Variants in AGPAT4 observed in about 807,000 individuals in gnomAD.
AGPAT4 encodes the protein 1-acyl-sn-glycerol-3-phosphate acyltransferase delta.
Under a neutral mutation model 48.0 loss-of-function variants are expected in AGPAT4, and 15 were observed. The ratio of observed to expected loss-of-function variants is 0.31; its 90% CI spans 0.21 to 0.48. The LOEUF (loss-of-function observed/expected upper bound fraction) is 0.48. AGPAT4 is among the 20% of genes least tolerant of loss of function. The pLI, the probability that AGPAT4 is intolerant of heterozygous loss-of-function variation, is 0.99. For missense variants in AGPAT4, 314 were observed against 482.5 expected, an observed-to-expected ratio of 0.65 and a Z score of 3.27; for synonymous variants, 178 against 198.7, an observed-to-expected ratio of 0.90 and a Z score of 0.88.
rs928323399 is a variant in AGPAT4, at chr6:161,261,831, C to T, written c.-90+12107G>A. 1.6e-4 allele frequency among the ~76,000 whole-genome samples: 25 copies of T among 152,300 alleles called. No homozygotes were observed. Among genetic ancestry groups the T allele is most frequent in the African/African-American group, 5.8e-4 (24 of 41,564 alleles). ...TTTTCCTAGCACAGAGCTGTGAATG[C>T]TGCATATCCAAAGAGGCTGGAGAGT... is the stretch of plus-strand genomic sequence containing the variant. On this transcript the variant is annotated intron_variant, in intron 1 of 8. Coordinates refer to ENST00000320285, the MANE Select transcript of AGPAT4 (RefSeq NM_020133.3). This position sits in a 1 kb window ranked among gnomAD's most constrained non-coding sequence, Gnocchi z 5.3.
rs1328159727 is a variant in AGPAT4, at chr6:161,165,615, C to T, written c.348+633G>A. ...ATGACTCTGATTCAGCTATGTGACA[C>T]AGGCTCAACCGCTACACGCTGCAGT... is the stretch of plus-strand genomic sequence containing the variant. On this transcript the variant is annotated intron_variant, in intron 3 of 8. Transcript: ENST00000320285. The surrounding 1 kb of genome is among the most constrained non-coding windows in gnomAD (Gnocchi z 5.5). 5 of 1,301,258 alleles carry T rather than the reference C, an allele frequency of 3.8e-6. No homozygotes were observed. Among genetic ancestry groups the T allele is most frequent in the East Asian group, 1.1e-4 (2 of 18,030 alleles). 80.6% of individuals were successfully genotyped at this position (1,301,258 alleles called of 1,614,324 possible). A position where few individuals can be genotyped will look rare whatever the true frequency, so the allele number is the denominator to read the frequency against.
At position 161,140,648 on chromosome 6, in the gene AGPAT4, G is replaced by A. The variant is rs1489537748; in HGVS notation, c.844-1028C>T. On this transcript the variant is annotated intron_variant, in intron 7 of 8. Coordinates refer to ENST00000320285, the MANE Select transcript of AGPAT4 (RefSeq NM_020133.3). The surrounding 1 kb of genome is among the most constrained non-coding windows in gnomAD (Gnocchi z 6.5). ...AGCAGGCGTGCTCAAGCGGCTGGGA[G>A]CTGAGCTGAGCCAGGACCTGGGGGG... Among the ~76,000 whole-genome samples, 1 of 152,236 alleles carries A rather than the reference G, an allele frequency of 6.6e-6. No individual in the cohort carries two copies. Among genetic ancestry groups the A allele is most frequent in the Non-Finnish European group, 1.5e-5 (1 of 68,032 alleles).
chr6:161,258,403 T>C (rs1206176807), intron 1 of AGPAT4, among the ~76,000 whole-genome samples: 1 of 152,234 alleles, frequency 6.6e-6, no homozygotes, highest in Non-Finnish European at 1.5e-5. Context: ...ACTTTTGTTT[T>C]GTACAAAGTT....
In AGPAT4 at chr6:161,261,909, G is replaced by C. The variant is rs1783114890; in HGVS notation, c.-90+12029C>G. 6.6e-6 allele frequency among the ~76,000 whole-genome samples: 1 copy of C among 152,214 alleles called. No individual in the cohort carries two copies. The highest frequency in any genetic ancestry group is 1.5e-5 in the Non-Finnish European group (1 of 68,046). On this transcript the variant is annotated intron_variant, in intron 1 of 8. Coordinates refer to ENST00000320285, the MANE Select transcript of AGPAT4 (RefSeq NM_020133.3). The surrounding 1 kb of genome is among the most constrained non-coding windows in gnomAD (Gnocchi z 5.3). ...TAGGGGCTCCTGGGCCAGAGACCCA[G>C]TTTGCCTGTATGAGCTGTGCAGCCC...
rs1438013901 is a variant in AGPAT4, at chr6:161,134,822, A to G, written c.*1718T>C. 2 of 152,252 alleles carry G rather than the reference A, an allele frequency of 1.3e-5. No individual in the cohort carries two copies. Among genetic ancestry groups the G allele is most frequent in the African/African-American group, 2.4e-5 (1 of 41,448 alleles). 9.4% of individuals were successfully genotyped at this position (152,252 alleles called of 1,614,324 possible). ...TGGGCTTTTGCCCACAGATCTCTGC[A>G]CACGGTGCTTCATGCCCTGTGCAGG... On this transcript the variant is annotated 3_prime_UTR_variant, in exon 9 of 9. Coordinates refer to ENST00000320285, the MANE Select transcript of AGPAT4 (RefSeq NM_020133.3).
intron 3 of AGPAT4, among the ~76,000 whole-genome samples, chr6:161,162,253 C>A (rs114901093): frequency 0.013 from 1,910 of 152,358 alleles, 30 homozygotes; most frequent in Middle Eastern, 0.065. Context: ...TCCTGGCACC[C>A]ACGCCCCTGC....
At position 161,196,530 on chromosome 6, in the gene AGPAT4, C is replaced by T. The variant is rs550334921; in HGVS notation, c.179-30113G>A. On this transcript the variant is annotated intron_variant, in intron 2 of 8. Coordinates refer to ENST00000320285, the MANE Select transcript of AGPAT4 (RefSeq NM_020133.3). The surrounding 1 kb of genome is among the most constrained non-coding windows in gnomAD (Gnocchi z 4.3). Reference sequence around the variant, plus strand: ...GTGTTAAGAAGCAAGGAGAGGGTCACGCGTGGTGACTCAATGCCTGTAATC... The same window carrying T: ...GTGTTAAGAAGCAAGGAGAGGGTCATGCGTGGTGACTCAATGCCTGTAATC... Among the ~76,000 whole-genome samples, 6 of 152,010 alleles carry T rather than the reference C, an allele frequency of 3.9e-5. No individual in the cohort carries two copies. The highest frequency in any genetic ancestry group is 3.9e-4 in the East Asian group (2 of 5,142).
chr6:161,161,115 G>A lies in AGPAT4; in HGVS notation c.348+5133C>T, dbSNP rs1779919115. ...GCTGAGGGCTGCGCACAGAGGAGGA[G>A]GAAGCCCCAAGCTTTCAACAACCCT... On this transcript the variant is annotated intron_variant, in intron 3 of 8. Transcript: ENST00000320285. This position sits in a 1 kb window ranked among gnomAD's most constrained non-coding sequence, Gnocchi z 4.6. 1 of 456,600 alleles carries A rather than the reference G, an allele frequency of 2.2e-6. No individual in the cohort carries two copies. The highest frequency in any genetic ancestry group is 2.0e-5 in the African/African-American group (1 of 50,068). The allele number at this position is 456,600 out of a possible 1,614,324, so 28.3% of individuals were successfully genotyped here.
chr6:161,176,220 A>G lies in AGPAT4; in HGVS notation c.179-9803T>C, dbSNP rs1165415895. ...AACTTTCTGTCTCATTGATCTGTCT[A>G]ATGTTGACAGTGGGGTGTTAAAGTC... is the stretch of plus-strand genomic sequence containing the variant. On this transcript the variant is annotated intron_variant, in intron 2 of 8. Coordinates refer to ENST00000320285, the MANE Select transcript of AGPAT4 (RefSeq NM_020133.3). Among the ~76,000 whole-genome samples, 3 of 152,244 alleles carry G rather than the reference A, an allele frequency of 2.0e-5. No homozygotes were observed. The South Asian group carries it at 6.2e-4, about 32-fold the overall frequency.
rs759637379 is a variant in AGPAT4 at position 161,154,322 on chromosome 6, G to A, written c.349-12C>T. 7.4e-6 allele frequency: 12 copies of A among 1,614,048 alleles called. No homozygotes were observed. Among genetic ancestry groups the A allele is most frequent in the South Asian group, 1.1e-5 (1 of 91,070 alleles). Reference sequence around the variant, plus strand: ...AGGACCTTGGAGCCCTGAAACAGAAGAAGGAGCCCAGGTGCCCATGAAGGA... The same window carrying A: ...AGGACCTTGGAGCCCTGAAACAGAAAAAGGAGCCCAGGTGCCCATGAAGGA... On this transcript the variant is annotated splice_polypyrimidine_tract_variant and intron_variant, in intron 3 of 8. Coordinates refer to ENST00000320285, the MANE Select transcript of AGPAT4 (RefSeq NM_020133.3). The surrounding 1 kb of genome is among the most constrained non-coding windows in gnomAD (Gnocchi z 7.8).
Position 161,197,563 on chromosome 6 carries a change from G to A in AGPAT4, c.179-31146C>T, listed in dbSNP as rs181890298. ...TCTAGGAATGTACCGACTGATGTAC[G>A]CATTACTCCTGGGGCTCATGTTTTC... On this transcript the variant is annotated intron_variant, in intron 2 of 8. Coordinates refer to ENST00000320285, the MANE Select transcript of AGPAT4 (RefSeq NM_020133.3). This position sits in a 1 kb window ranked among gnomAD's most constrained non-coding sequence, Gnocchi z 5.7. Among the ~76,000 whole-genome samples the A allele has an allele frequency of 5.3e-5, 8 of 152,222 alleles. No individual in the cohort carries two copies. In the South Asian group the frequency reaches 1.5e-3, roughly 28 times the overall value.
Position 161,219,158 on chromosome 6 carries a change from A to T in AGPAT4, c.178+12878T>A, listed in dbSNP as rs183853675. Among the ~76,000 whole-genome samples the T allele has an allele frequency of 1.7e-4, 26 of 152,196 alleles. No individual in the cohort carries two copies. In the South Asian group the frequency reaches 2.5e-3, roughly 15 times the overall value. On this transcript the variant is annotated intron_variant, in intron 2 of 8. Coordinates refer to ENST00000320285, the MANE Select transcript of AGPAT4 (RefSeq NM_020133.3). The surrounding 1 kb of genome is among the most constrained non-coding windows in gnomAD (Gnocchi z 4.9). ...GTTTTCATAAAACTATTTCCCCCTT[A>T]CTTTAAGTGTGCTATATAAATTCTA... is the stretch of plus-strand genomic sequence containing the variant.
At position 161,221,657 on chromosome 6, in the gene AGPAT4, G is replaced by A. The variant is rs1781838173; in HGVS notation, c.178+10379C>T. On this transcript the variant is annotated intron_variant, in intron 2 of 8. Transcript: ENST00000320285. This position sits in a 1 kb window ranked among gnomAD's most constrained non-coding sequence, Gnocchi z 4.5. ...GGAACTGAAGTAACAGAAATTGATT[G>A]TCTGAGTTCTGGATTCCAGGAACCT... 6.6e-6 allele frequency among the ~76,000 whole-genome samples: 1 copy of A among 152,160 alleles called. No individual in the cohort carries two copies. The highest frequency in any genetic ancestry group is 1.5e-5 in the Non-Finnish European group (1 of 68,024).
intron 5 of AGPAT4, among the ~76,000 whole-genome samples, 198 bp downstream of exon 5, chr6:161,153,148 C>T (rs1290022240): frequency 1.3e-5 from 2 of 152,214 alleles, no homozygotes; most frequent in African/African-American, 4.8e-5. Flanking sequence ...ACAGGCCCAC[C>T]CTGAGTGCCA....
At position 161,130,892 on chromosome 6, in the gene AGPAT4, G is replaced by A; in HGVS notation, c.*5648C>T. 1 of 518,990 alleles carries A rather than the reference G, an allele frequency of 1.9e-6. No individual in the cohort carries two copies. Among genetic ancestry groups the A allele is most frequent in the South Asian group, 1.4e-5 (1 of 71,590 alleles). The allele number at this position is 518,990 out of a possible 1,614,324, so 32.1% of individuals were successfully genotyped here. On this transcript the variant is annotated 3_prime_UTR_variant, in exon 9 of 9. Transcript: ENST00000320285. Reference sequence around the variant, plus strand: ...GATCTGCAAAGATACAGAGAGAATGGCATTCCAAAATTCCATGGATGACTT... The same window carrying A: ...GATCTGCAAAGATACAGAGAGAATGACATTCCAAAATTCCATGGATGACTT...
rs1779093068 is a variant in AGPAT4 at position 161,137,139 on chromosome 6, G to C, written c.1043-505C>G. On this transcript the variant is annotated intron_variant, in intron 8 of 8. Transcript: ENST00000320285. This position sits in a 1 kb window ranked among gnomAD's most constrained non-coding sequence, Gnocchi z 6.1. ...AAAATCCCCGCCCTCTCCTCTGACG[G>C]CAGGATTTGCCTACACCAGAGAATG... 6.6e-6 allele frequency among the ~76,000 whole-genome samples: 1 copy of C among 152,174 alleles called. No individual in the cohort carries two copies. The highest frequency in any genetic ancestry group is 2.1e-4 in the South Asian group (1 of 4,832).
chr6:161,250,592 T>G (rs1354539155), intron 1 of AGPAT4, among the ~76,000 whole-genome samples: 1 of 152,138 alleles, frequency 6.6e-6, no homozygotes. Flanking sequence ...TTTTTTTTCC[T>G]GAATTTTGGG....
intron 2 of AGPAT4, among the ~76,000 whole-genome samples, chr6:161,207,749 T>C (rs1390193130): frequency 2.0e-5 from 3 of 151,628 alleles, no homozygotes; most frequent in Non-Finnish European, 4.4e-5. Context: ...GGAGTGGAGG[T>C]TGGATATGGG....
intron 2 of AGPAT4, among the ~76,000 whole-genome samples, chr6:161,172,395 G>A (rs1583301105): frequency 6.6e-6 from 1 of 152,140 alleles, no homozygotes; most frequent in South Asian, 2.1e-4. Context: ...CAGGCCTGGG[G>A]TACACACAGA....
Sources: gnomAD v4.1 joint callset for allele counts (sites outside exome capture counted in the v4.1 genomes callset) on GRCh38, gnomAD v4.1.1 for gene constraint, Gnocchi (gnomAD v3.1) non-coding constraint, MANE v1.5 for transcripts, NCBI Gene and HGNC (gene_info 2026-07-23, HGNC 2026-07-21) for gene names.